SLC3A1: variants seen among roughly 807,000 people sequenced by gnomAD.
SLC3A1 encodes the protein solute carrier family 3 member 1.
A neutral mutation model predicts 60.3 loss-of-function variants in SLC3A1; 78 were observed. The observed-to-expected ratio is 1.29, with a 90% confidence interval of 1.08 to 1.56. SLC3A1 has a LOEUF of 1.56. SLC3A1 is among the 40% of genes most tolerant of loss of function. The pLI is 0.00. For missense variants in SLC3A1, 1,172 were observed against 858.9 expected (o/e 1.36, Z -4.56); for synonymous variants, 392 against 307.9 (o/e 1.27, Z -2.86).
chr2:44,320,666 T>A lies in SLC3A1; in HGVS notation c.*27T>A. On this transcript the variant is annotated 3_prime_UTR_variant, in exon 10 of 10. Coordinates refer to ENST00000260649, the MANE Select transcript of SLC3A1 (RefSeq NM_000341.4). ...CACCTTTATGAAGAGATGAAGACAC[T>A]GGCATTTCAGTGGGATTGTAAGCAT... is the stretch of plus-strand genomic sequence containing the variant. The A allele has an allele frequency of 1.0e-5, 16 of 1,570,646 alleles. No individual in the cohort carries two copies. The highest frequency in any genetic ancestry group is 1.3e-5 in the Non-Finnish European group (15 of 1,140,646).
intron 7 of SLC3A1, among the ~76,000 whole-genome samples, chr2:44,308,375 G>A (rs1672209533): frequency 6.6e-6 from 1 of 152,126 alleles, no homozygotes; most frequent in Non-Finnish European, 1.5e-5. Context: ...ATAAATTTTA[G>A]AATAGCCAAC....
intron 6 of SLC3A1, 41 bp downstream of exon 6, chr2:44,301,168 T>C (rs1470826688): frequency 1.2e-6 from 2 of 1,613,198 alleles, no homozygotes; most frequent in African/African-American, 2.7e-5. Flanking sequence ...CCAGGCTTAG[T>C]GTGTGATCTG....
rs780183426 is a variant in SLC3A1, at chr2:44,320,175, G to C, written c.1618-24G>C. On this transcript the variant is annotated intron_variant, in intron 9 of 9. Coordinates refer to ENST00000260649, the MANE Select transcript of SLC3A1 (RefSeq NM_000341.4). The stretch of plus-strand genomic sequence containing the variant: ...ACAATTCTTAGAATCAAACACTTAC[G>C]TAAATACTTTTTTAAAAAAATAGGT... 3 of 1,573,914 alleles carry C rather than the reference G, an allele frequency of 1.9e-6. No individual in the cohort carries two copies. The South Asian group carries it at 3.3e-5, about 18-fold the overall frequency.
intron 9 of SLC3A1, chr2:44,314,400 T>A (rs200462780): frequency 3.8e-6 from 1 of 264,526 alleles, no homozygotes; most frequent in Non-Finnish European, 7.2e-6. Context: ...AAGCCATACA[T>A]GATCCTTAAA....
At chr2:44,314,186 C>A in intron 9 of SLC3A1, 1 of 1,045,234 alleles carries the variant, frequency 9.6e-7, no homozygotes, top group Non-Finnish European at 1.4e-6. Flanking sequence ...TACAAGTCTT[C>A]ATTGCAATGA....
At chr2:44,284,713 A>G (rs1350747672) in intron 3 of SLC3A1, among the ~76,000 whole-genome samples, 2 of 151,962 alleles carry the variant, frequency 1.3e-5, no homozygotes, top group Admixed American at 1.3e-4. Context: ...ACAGGCACAC[A>G]CCATCATGTG....
At chr2:44,312,958 C>T (rs1200990499) in intron 8 of SLC3A1, among the ~76,000 whole-genome samples, 1 of 151,820 alleles carries the variant, frequency 6.6e-6, no homozygotes, top group East Asian at 1.9e-4. Flanking sequence ...TGGAGCCATA[C>T]AACTAAAAGT....
At chr2:44,320,160 G>C (rs746319803) in intron 9 of SLC3A1, 39 bp from the exon 10 acceptor site, 2 of 1,504,466 alleles carry the variant, frequency 1.3e-6, no homozygotes, top group African/African-American at 2.8e-5. Flanking sequence ...ACAATTCTTA[G>C]AATCAAACAC....
At chr2:44,298,742 G>C (rs1366054643) in intron 4 of SLC3A1, among the ~76,000 whole-genome samples, 1 of 152,166 alleles carries the variant, frequency 6.6e-6, no homozygotes, top group Admixed American at 6.5e-5. Flanking sequence ...AAATGCCTGG[G>C]AACAAGGCAG....
chr2:44,287,691 G>A (rs1286181478), intron 4 of SLC3A1, among the ~76,000 whole-genome samples: 2 of 152,132 alleles, frequency 1.3e-5, no homozygotes, highest in Admixed American at 6.5e-5. Flanking sequence ...AAACATATCA[G>A]CTATGTTCTT....
chr2:44,279,069 C>T (rs1005764396), intron 1 of SLC3A1, among the ~76,000 whole-genome samples: 1 of 151,520 alleles, frequency 6.6e-6, no homozygotes, highest in East Asian at 1.9e-4. Flanking sequence ...CACAATCTCA[C>T]CTCACTACAA....
chr2:44,307,212 C>G (rs1229794212), intron 7 of SLC3A1, among the ~76,000 whole-genome samples: 1 of 152,156 alleles, frequency 6.6e-6, no homozygotes, highest in Non-Finnish European at 1.5e-5. Flanking sequence ...TAGTAACTTC[C>G]ATAAAGCCCA....
intron 7 of SLC3A1, among the ~76,000 whole-genome samples, chr2:44,304,735 C>A (rs1672108945): frequency 6.6e-6 from 1 of 151,546 alleles, no homozygotes; most frequent in Admixed American, 6.6e-5. Flanking sequence ...GGGCAGGATG[C>A]ACTGCAAAAA....
At chr2:44,317,334 C>T (rs910680796) in intron 9 of SLC3A1, among the ~76,000 whole-genome samples, 1 of 151,956 alleles carries the variant, frequency 6.6e-6, no homozygotes, top group Non-Finnish European at 1.5e-5. Flanking sequence ...TAGTGGCACA[C>T]ACCTGTAGTC....
In SLC3A1 at chr2:44,320,300, G is replaced by T. The variant is rs747909722; in HGVS notation, c.1719G>T (p.Leu573Phe). Residue 573 changes from leucine to phenylalanine, a missense_variant, in exon 10 of 10, where the codon TTG (leucine) becomes TTT (phenylalanine). Physicochemically the swap from Leu to Phe is conservative, Grantham distance 22. Transcript: ENST00000260649. The stretch of plus-strand genomic sequence containing the variant: ...TCAACAGGGGCTGGTTTTGCCATTT[G>T]AGGAATGACAGCCACTATGTTGTGT... ...LLLNRGWFCH[L>F]RNDSHYVVYT... 8 of 1,613,988 alleles carry T rather than the reference G, an allele frequency of 5.0e-6. No individual in the cohort carries two copies. In the South Asian group the frequency reaches 6.6e-5, roughly 13 times the overall value.
chr2:44,305,451 C>T (rs1482055030), intron 7 of SLC3A1, among the ~76,000 whole-genome samples: 17 of 131,156 alleles, frequency 1.3e-4, no homozygotes, highest in East Asian at 1.1e-3. Flanking sequence ...TTTTTTGAGA[C>T]GGAGCCTCCC....
intron 9 of SLC3A1, 164 bp downstream of exon 9, chr2:44,314,115 C>G (rs1672366137): frequency 3.3e-6 from 5 of 1,498,012 alleles, no homozygotes; most frequent in Middle Eastern, 2.4e-4. Context: ...GTAAATCATG[C>G]CTTTGTGAAA....
At position 44,281,520 on chromosome 2, in the gene SLC3A1, A is replaced by G; in HGVS notation, c.744A>G (p.Lys248=). 1 of 1,614,116 alleles carries G rather than the reference A, an allele frequency of 6.2e-7. No individual in the cohort carries two copies. The highest frequency in any genetic ancestry group is 8.5e-7 in the Non-Finnish European group (1 of 1,179,978). The change falls in exon 3 of 10, where the codon AAA becomes AAG. Residue 248 remains lysine (K), a synonymous_variant. Transcript: ENST00000260649. ...IWHDCTHENG[K]TIPPNNWLSV... is the part of the protein sequence containing the mutation. Reference sequence around the variant, plus strand: ...ATGACTGTACCCATGAAAATGGCAAAACCATTCCACCCAACAACTGGGTAA... The same window carrying G: ...ATGACTGTACCCATGAAAATGGCAAGACCATTCCACCCAACAACTGGGTAA...
chr2:44,299,218 T>C (rs1477121040), intron 4 of SLC3A1, among the ~76,000 whole-genome samples: 1 of 151,974 alleles, frequency 6.6e-6, no homozygotes, highest in Non-Finnish European at 1.5e-5. Context: ...TTTGTATTTT[T>C]AGTAGAGACA....
Sources: gnomAD v4.1 joint callset for allele counts (sites outside exome capture counted in the v4.1 genomes callset) on GRCh38, gnomAD v4.1.1 for gene constraint, MANE v1.5 for transcripts, NCBI Gene and HGNC (gene_info 2026-07-23, HGNC 2026-07-21) for gene names.